The following NASP variants were observed in gnomAD, a reference collection of about 807,000 sequenced individuals.
The protein encoded by NASP is nuclear autoantigenic sperm protein.
In NASP, 24 loss-of-function variants were observed where a neutral mutation model predicts 89.5. That is an observed-to-expected ratio of 0.27 (90% CI 0.19 to 0.38). The LOEUF (loss-of-function observed/expected upper bound fraction) is 0.38. Ranked by LOEUF, NASP falls within the 10% of genes least tolerant of loss-of-function variation. NASP has a pLI of 1.00. For synonymous variants in NASP, 306 were observed against 324.7 expected, an observed-to-expected ratio of 0.94 and a Z score of 0.62; for missense variants, 848 against 921.4, an observed-to-expected ratio of 0.92 and a Z score of 1.03.
intron 1 of NASP, among the ~76,000 whole-genome samples, chr1:45,587,688 A>ATATATAT (rs1553169240): frequency 9.2e-4 from 16 of 17,476 alleles, no homozygotes; most frequent in South Asian, 3.5e-3. Context: ...ATATATATAT[A>ATATATAT]ATTAATTTTT....
At chr1:45,592,494 G>T (rs1055607283) in intron 2 of NASP, among the ~76,000 whole-genome samples, 1 of 152,068 alleles carries the variant, frequency 6.6e-6, no homozygotes, top group Non-Finnish European at 1.5e-5. Context: ...AATTATTACT[G>T]TTAGAATATC....
At position 45,616,718 on chromosome 1, in the gene NASP, G is replaced by A. The variant is rs184313541; in HGVS notation, c.2157+15G>A. 2.1e-5 allele frequency: 33 copies of A among 1,605,884 alleles called. No homozygotes were observed. The East Asian group carries it at 7.4e-4, about 36-fold the overall frequency. Reference sequence around the variant, plus strand: ...TCAGAAAGAAGGTAAGTCTACATGTGGTGTTTCTTTTCTACCGTTTCCTCA... The same window carrying A: ...TCAGAAAGAAGGTAAGTCTACATGTAGTGTTTCTTTTCTACCGTTTCCTCA... On this transcript the variant is annotated intron_variant, in intron 13 of 14. Coordinates refer to ENST00000350030, the MANE Select transcript of NASP (RefSeq NM_002482.4).
At chr1:45,602,631 C>T (rs1643867269) in intron 3 of NASP, among the ~76,000 whole-genome samples, 1 of 152,034 alleles carries the variant, frequency 6.6e-6, no homozygotes, top group Non-Finnish European at 1.5e-5. Flanking sequence ...TCTAGGACCC[C>T]TCTCCCCATC....
intron 2 of NASP, among the ~76,000 whole-genome samples, chr1:45,598,434 C>A (rs1643753239): frequency 6.6e-6 from 1 of 152,122 alleles, no homozygotes. Flanking sequence ...GTCTCTTTTC[C>A]TTCACTGGCT....
intron 14 of NASP, 69 bp downstream of exon 14, chr1:45,617,660 T>G: frequency 1.3e-6 from 2 of 1,494,482 alleles, no homozygotes. Context: ...AAATCAGTCC[T>G]CTCAAGTGCA....
chr1:45,617,372 C>T, intron 13 of NASP, 91 bp from the exon 14 acceptor site: 1 of 1,446,262 alleles, frequency 6.9e-7, no homozygotes, highest in South Asian at 1.3e-5. Flanking sequence ...TGTTCAGGAT[C>T]TTTGCACCAC....
At chr1:45,602,902 A>G (rs894528489) in intron 3 of NASP, among the ~76,000 whole-genome samples, 3 of 152,184 alleles carry the variant, frequency 2.0e-5, no homozygotes, top group African/African-American at 7.2e-5. Flanking sequence ...TTGCAAAGGG[A>G]TTACAGGCAT....
intron 2 of NASP, chr1:45,600,402 T>C (rs1643811432): frequency 2.3e-6 from 3 of 1,293,608 alleles, no homozygotes; most frequent in Non-Finnish European, 3.1e-6. Flanking sequence ...TAATCTGCTT[T>C]CTGTCACTGA....
At chr1:45,594,654 G>T (rs1040345150) in intron 2 of NASP, 1 of 446,598 alleles carries the variant, frequency 2.2e-6, no homozygotes, top group Non-Finnish European at 4.5e-6. Flanking sequence ...TCACAGATGT[G>T]TGCCACTATG....
chr1:45,611,157 A>T (rs1001943614), intron 6 of NASP: 1 of 152,232 alleles, frequency 6.6e-6, no homozygotes, highest in Non-Finnish European at 1.5e-5. Context: ...GTAGATTTAC[A>T]TATGTAGGAT....
chr1:45,590,598 A>C (rs888746537), intron 1 of NASP, among the ~76,000 whole-genome samples: 2 of 150,318 alleles, frequency 1.3e-5, no homozygotes, highest in African/African-American at 4.9e-5. Context: ...TAAATGCTTT[A>C]CAATGATACT....
chr1:45,614,600 G>A (rs1026247170), intron 9 of NASP, among the ~76,000 whole-genome samples: 4 of 152,006 alleles, frequency 2.6e-5, no homozygotes, highest in East Asian at 1.9e-4. Flanking sequence ...GTGCAATGGC[G>A]TAATCTCGGC....
In NASP at chr1:45,607,263, A is replaced by T. The variant is rs774094707; in HGVS notation, c.410-58A>T. 4.6e-5 allele frequency: 71 copies of T among 1,539,504 alleles called. No individual in the cohort carries two copies. In the East Asian group the frequency reaches 1.6e-3, roughly 34 times the overall value. ...GGGAATGTATTTTTAGTTTCCATTT[A>T]TGCCTTTATCATTAAACTCGAAGAC... On this transcript the variant is annotated intron_variant, in intron 5 of 14. Transcript: ENST00000350030.
intron 6 of NASP, chr1:45,611,091 A>C (rs1310552905): frequency 6.6e-6 from 1 of 152,208 alleles, no homozygotes; most frequent in African/African-American, 2.4e-5. Flanking sequence ...GTTAGACCAG[A>C]TGGATGGTCT....
intron 1 of NASP, among the ~76,000 whole-genome samples, chr1:45,588,441 G>A (rs1644589405): frequency 6.6e-6 from 1 of 151,986 alleles, no homozygotes; most frequent in African/African-American, 2.4e-5. Flanking sequence ...TTGAACTAGA[G>A]AAGGGGTCTC....
rs943312615 is a variant in NASP, at chr1:45,584,043, C to T, written c.-104C>T. On this transcript the variant is annotated 5_prime_UTR_variant, in exon 1 of 15. Coordinates refer to ENST00000350030, the MANE Select transcript of NASP (RefSeq NM_002482.4). Reference sequence around the variant, plus strand: ...AAAGGGCCCCGGCCGCGCGGGGTCTCTAATCTGCCATTTTCTGTCCCTGAG... The same window carrying T: ...AAAGGGCCCCGGCCGCGCGGGGTCTTTAATCTGCCATTTTCTGTCCCTGAG... 38 of 1,135,392 alleles carry T rather than the reference C, an allele frequency of 3.3e-5. No homozygotes were observed. The highest frequency in any genetic ancestry group is 4.8e-5 in the Non-Finnish European group (38 of 786,668). 70.3% of individuals were successfully genotyped at this position (1,135,392 alleles called of 1,614,324 possible).
At chr1:45,603,605 ATTTTTTTT>A (rs10646791) in intron 3 of NASP, among the ~76,000 whole-genome samples, 2 of 119,054 alleles carry the variant, frequency 1.7e-5, no homozygotes, top group African/African-American at 6.6e-5. Flanking sequence ...GTATTTAGAG[ATTTTTTTT>A]TTTTTTTTTT....
chr1:45,600,677 C>G (rs769249767), intron 2 of NASP, among the ~76,000 whole-genome samples: 1 of 152,156 alleles, frequency 6.6e-6, no homozygotes, highest in Non-Finnish European at 1.5e-5. Context: ...TATGGGCATT[C>G]ATTTCCATTT....
rs61789986 is a variant in NASP at position 45,602,843 on chromosome 1, C to T, written c.218+478C>T. ...TTCCCCACATTGCCCAGGCTGGTCT[C>T]GAACTCTTGGGCTTAAGCGATTCGT... On this transcript the variant is annotated intron_variant, in intron 3 of 14. Coordinates refer to ENST00000350030, the MANE Select transcript of NASP (RefSeq NM_002482.4). Among the ~76,000 whole-genome samples, 60 of 152,222 alleles carry T rather than the reference C, an allele frequency of 3.9e-4. 1 individual carries two copies. The South Asian group carries it at 8.7e-3, about 22-fold the overall frequency.
Sources: allele counts gnomAD v4.1 joint callset (sites outside exome capture counted in the v4.1 genomes callset), GRCh38; gene constraint gnomAD v4.1.1; transcripts MANE v1.5; gene names NCBI Gene and HGNC (gene_info 2026-07-23, HGNC 2026-07-21).